The following NEDD4L variants were observed in gnomAD, a reference collection of about 807,000 sequenced individuals.
NEDD4L encodes the protein NEDD4 like E3 ubiquitin protein ligase, also known as E3 ubiquitin-protein ligase NEDD4-like.
NEDD4L carries 54 observed loss-of-function variants against 148.9 expected under a neutral mutation model. The ratio of observed to expected loss-of-function variants is 0.36; its 90% CI spans 0.29 to 0.45. NEDD4L has a LOEUF of 0.45. Ranked by LOEUF, NEDD4L falls within the 20% of genes least tolerant of loss-of-function variation. The probability of loss-of-function intolerance (pLI) is 1.00; values close to 1 mark genes in which losing one functional copy is unlikely to be tolerated. For missense variants in NEDD4L, 856 were observed against 1,233.8 expected, an observed-to-expected ratio of 0.69 and a Z score of 4.59; for synonymous variants, 433 against 440.7, an observed-to-expected ratio of 0.98 and a Z score of 0.22.
At chr18:58,286,762 G>A (rs1246934784) in intron 5 of NEDD4L, among the ~76,000 whole-genome samples, 4 of 152,162 alleles carry the variant, frequency 2.6e-5, no homozygotes, top group Admixed American at 2.0e-4. Context: ...GAATTTAATT[G>A]AATATTAAAC....
At chr18:58,372,837 A>C (rs1458256728) in intron 23 of NEDD4L, among the ~76,000 whole-genome samples, 2 of 142,280 alleles carry the variant, frequency 1.4e-5, no homozygotes, top group Non-Finnish European at 3.0e-5. Flanking sequence ...AAACAAAAAA[A>C]AAAAAAAAAA....
intron 1 of NEDD4L, among the ~76,000 whole-genome samples, chr18:58,079,218 T>C (rs966854643): frequency 2.6e-5 from 4 of 152,176 alleles, no homozygotes; most frequent in African/African-American, 9.7e-5. Context: ...TCTCTGATTG[T>C]AATTTCCTTC....
At chr18:58,367,572 G>A (rs926362479) in intron 21 of NEDD4L, among the ~76,000 whole-genome samples, 174 bp from the exon 22 acceptor site, 7 of 152,194 alleles carry the variant, frequency 4.6e-5, no homozygotes, top group African/African-American at 1.4e-4. Flanking sequence ...CAGCCTCCAT[G>A]GTGGGTCACG....
At chr18:58,121,623 G>A (rs1044273495) in intron 1 of NEDD4L, among the ~76,000 whole-genome samples, 4 of 152,180 alleles carry the variant, frequency 2.6e-5, no homozygotes, top group African/African-American at 9.6e-5. Flanking sequence ...TGCCCAGGCT[G>A]GTCTCAAACT....
At chr18:58,131,165 G>A (rs1598992078) in intron 1 of NEDD4L, among the ~76,000 whole-genome samples, 2 of 148,640 alleles carry the variant, frequency 1.3e-5, no homozygotes, top group Admixed American at 6.7e-5. Flanking sequence ...CGGAACTGTG[G>A]TAGTGTTGGC....
intron 1 of NEDD4L, among the ~76,000 whole-genome samples, chr18:58,149,976 T>G (rs576474445): frequency 2.8e-4 from 42 of 152,382 alleles, no homozygotes; most frequent in African/African-American, 9.6e-4. Flanking sequence ...TGTAATTGCC[T>G]GAGTAAGGCT....
chr18:58,117,700 T>C (rs918687904), intron 1 of NEDD4L, among the ~76,000 whole-genome samples: 1 of 152,204 alleles, frequency 6.6e-6, no homozygotes, highest in Non-Finnish European at 1.5e-5. Flanking sequence ...GGTCCTTTCC[T>C]GCCCCCAGCC....
chr18:58,066,415 G>A (rs1356126643), intron 1 of NEDD4L, among the ~76,000 whole-genome samples: 1 of 44,932 alleles, frequency 2.2e-5, no homozygotes, highest in African/African-American at 4.5e-5. Context: ...TTTTTTAACG[G>A]AGTCTCTCTC....
intron 5 of NEDD4L, among the ~76,000 whole-genome samples, chr18:58,264,209 T>C (rs185325743): frequency 2.0e-5 from 3 of 152,262 alleles, no homozygotes; most frequent in East Asian, 1.9e-4. Context: ...AACGATGTTA[T>C]ACACATTAGC....
At chr18:58,240,317 C>A (rs936178149) in intron 2 of NEDD4L, among the ~76,000 whole-genome samples, 1 of 152,096 alleles carries the variant, frequency 6.6e-6, no homozygotes, top group Non-Finnish European at 1.5e-5. Context: ...CTTCAGGGTG[C>A]ATTTTGGTGT....
At chr18:58,094,867 T>C (rs1796142325) in intron 1 of NEDD4L, among the ~76,000 whole-genome samples, 1 of 149,986 alleles carries the variant, frequency 6.7e-6, no homozygotes, top group Admixed American at 6.7e-5. Context: ...GCTGTAAGGC[T>C]TGATTGCCGT....
chr18:58,292,340 C>T (rs1235017516), intron 5 of NEDD4L, among the ~76,000 whole-genome samples: 1 of 152,156 alleles, frequency 6.6e-6, no homozygotes, highest in Non-Finnish European at 1.5e-5. Flanking sequence ...GTGCTCCCCA[C>T]CCCAGCCAGG....
intron 1 of NEDD4L, among the ~76,000 whole-genome samples, chr18:58,053,259 G>C (rs1438298290): frequency 6.6e-6 from 1 of 152,084 alleles, no homozygotes; most frequent in Non-Finnish European, 1.5e-5. Flanking sequence ...GAAGTGCAGT[G>C]ACAAGGGCCT....
chr18:58,368,538 C>G (rs17064888), intron 22 of NEDD4L, among the ~76,000 whole-genome samples: 1 of 152,044 alleles, frequency 6.6e-6, no homozygotes, highest in East Asian at 1.9e-4. Flanking sequence ...TTTTAAGAGC[C>G]TGGAGGTAGA....
intron 5 of NEDD4L, among the ~76,000 whole-genome samples, chr18:58,300,164 G>A (rs1314726128): frequency 6.6e-6 from 1 of 152,182 alleles, no homozygotes; most frequent in African/African-American, 2.4e-5. Context: ...AACACAGGGA[G>A]AGATAGCATC....
chr18:58,122,950 C>T (rs1214615261), intron 1 of NEDD4L, among the ~76,000 whole-genome samples: 2 of 152,146 alleles, frequency 1.3e-5, no homozygotes, highest in Non-Finnish European at 2.9e-5. Flanking sequence ...CCAGGCTAGT[C>T]TCGAACTCCT....
At chr18:58,367,022 C>T (rs1476909387) in intron 21 of NEDD4L, 2 of 152,198 alleles carry the variant, frequency 1.3e-5, no homozygotes, top group African/African-American at 4.8e-5. Context: ...TTACTGAGTC[C>T]CATGAGAAAG....
At chr18:58,355,294 C>T (rs565634547) in intron 18 of NEDD4L, among the ~76,000 whole-genome samples, 78 of 152,256 alleles carry the variant, frequency 5.1e-4, no homozygotes, top group Middle Eastern at 6.8e-3. Flanking sequence ...GTGAGTGACA[C>T]GGCCAGGTTC....
chr18:58,288,964 G>C (rs555605874), intron 5 of NEDD4L, among the ~76,000 whole-genome samples: 1 of 152,140 alleles, frequency 6.6e-6, no homozygotes, highest in South Asian at 2.1e-4. Context: ...CAAAAGGAAA[G>C]GCCTGAGTTT....
Sources: allele counts gnomAD v4.1 joint callset (sites outside exome capture counted in the v4.1 genomes callset), GRCh38; gene constraint gnomAD v4.1.1; transcripts MANE v1.5; gene names NCBI Gene and HGNC (gene_info 2026-07-23, HGNC 2026-07-21).